Variants in EFCAB11 observed in about 807,000 individuals in gnomAD.
EFCAB11 encodes the protein EF-hand calcium binding domain 11.
EFCAB11 carries 14 observed loss-of-function variants against 23.0 expected under a neutral mutation model. The observed-to-expected ratio is 0.61, with a 90% CI of 0.40 to 0.95. The LOEUF is 0.95. Ranked by LOEUF, EFCAB11 falls within the 40% of genes least tolerant of loss-of-function variation. The pLI, the probability that EFCAB11 is intolerant of heterozygous loss-of-function variation, is 0.00. For missense variants in EFCAB11, 198 were observed against 195.8 expected (o/e 1.01, Z -0.07); for synonymous variants, 65 against 66.6 (o/e 0.98, Z 0.11).
intron 5 of EFCAB11, among the ~76,000 whole-genome samples, chr14:89,822,557 A>G (rs995157571): frequency 1.3e-5 from 2 of 152,224 alleles, no homozygotes; most frequent in Non-Finnish European, 2.9e-5. Context: ...GGCAGAGTAC[A>G]AGAGAAGGAG....
rs1483257955 is a variant in EFCAB11 at position 89,802,209 on chromosome 14, A to C, written c.411-4885T>G. 1.1e-3 allele frequency among the ~76,000 whole-genome samples: 3 copies of C among 2,638 alleles called. No homozygotes were observed. The African/African-American group carries it at 0.036, about 31-fold the overall frequency. 1.7% of individuals were successfully genotyped at this position (2,638 alleles called of 152,430 possible). On this transcript the variant is annotated intron_variant, in intron 5 of 5. Transcript: ENST00000316738. ...TACTTGCTTTTACCCAAGTTACTTA[A>C]AAAAAAAAAAAAAAAGAAAGAAAAA...
intron 5 of EFCAB11, among the ~76,000 whole-genome samples, chr14:89,927,817 G>T (rs1477952642): frequency 6.6e-6 from 1 of 152,064 alleles, no homozygotes; most frequent in Non-Finnish European, 1.5e-5. Flanking sequence ...GACCTCCCGG[G>T]TTCAAGCGAT....
intron 5 of EFCAB11, among the ~76,000 whole-genome samples, chr14:89,852,784 T>C (rs1596402153): frequency 6.6e-6 from 1 of 152,160 alleles, no homozygotes; most frequent in African/African-American, 2.4e-5. Context: ...TAATATAACA[T>C]TTACCACCTT....
chr14:89,819,913 T>C (rs1298634914), intron 5 of EFCAB11, among the ~76,000 whole-genome samples: 1 of 152,244 alleles, frequency 6.6e-6, no homozygotes, highest in East Asian at 1.9e-4. Flanking sequence ...AAATCATTTA[T>C]ACCATTATCT....
At position 89,794,843 on chromosome 14, in the gene EFCAB11, C is replaced by T. The variant is rs1885521023; in HGVS notation, c.*2400G>A. 1 of 151,956 alleles carries T rather than the reference C, an allele frequency of 6.6e-6. No individual in the cohort carries two copies. The highest frequency in any genetic ancestry group is 6.6e-5 in the Admixed American group (1 of 15,248). 9.4% of individuals were successfully genotyped at this position (151,956 alleles called of 1,614,324 possible). A position where few individuals can be genotyped will look rare whatever the true frequency, so the allele number is the denominator to read the frequency against. The stretch of plus-strand genomic sequence containing the variant: ...GAAAATAGTAGAGGGTTCCCATATA[C>T]CTCACCCAGTTTCCCCTACTATTAA... On this transcript the variant is annotated 3_prime_UTR_variant, in exon 6 of 6. Transcript: ENST00000316738.
chr14:89,931,403 A>C (rs1890384364), intron 5 of EFCAB11, 138 bp downstream of exon 5: 2 of 779,884 alleles, frequency 2.6e-6, no homozygotes, highest in East Asian at 5.1e-5. Flanking sequence ...TCCCTCCTGG[A>C]CCATGACACT....
intron 5 of EFCAB11, among the ~76,000 whole-genome samples, chr14:89,885,612 G>A (rs1241617282): frequency 6.6e-6 from 1 of 151,784 alleles, no homozygotes; most frequent in African/African-American, 2.4e-5. Flanking sequence ...GGGAGGTGGA[G>A]GTTGCAGTGA....
At chr14:89,952,339 T>C (rs1281198549) in intron 2 of EFCAB11, 4 of 944,250 alleles carry the variant, frequency 4.2e-6, no homozygotes, top group Non-Finnish European at 5.0e-6. Context: ...ATTCTAAAAT[T>C]GAAACCAAAT....
intron 5 of EFCAB11, among the ~76,000 whole-genome samples, chr14:89,855,031 C>G (rs757781244): frequency 2.0e-5 from 3 of 152,014 alleles, no homozygotes; most frequent in African/African-American, 7.2e-5. Context: ...GGTCAGAATC[C>G]CTGGAAAAAT....
chr14:89,809,488 A>C (rs1886080511), intron 5 of EFCAB11, among the ~76,000 whole-genome samples: 1 of 152,230 alleles, frequency 6.6e-6, no homozygotes, highest in African/African-American at 2.4e-5. Flanking sequence ...GCCACTAAAA[A>C]AGATCACGCT....
intron 5 of EFCAB11, among the ~76,000 whole-genome samples, chr14:89,857,529 C>A (rs1207256516): frequency 6.6e-6 from 1 of 150,752 alleles, no homozygotes; most frequent in African/African-American, 2.4e-5. Flanking sequence ...TCTGAAAGTT[C>A]CTATAAAAAA....
At chr14:89,837,098 T>C in intron 5 of EFCAB11, 1 of 456,790 alleles carries the variant, frequency 2.2e-6, no homozygotes, top group South Asian at 1.5e-5. Flanking sequence ...GTTTTTAGAC[T>C]TCTGGTCAAT....
chr14:89,797,153 G>T lies in EFCAB11; in HGVS notation c.*90C>A. The T allele has an allele frequency of 3.2e-6, 4 of 1,267,684 alleles. No homozygotes were observed. Among genetic ancestry groups the T allele is most frequent in the Non-Finnish European group, 4.4e-6 (4 of 899,670 alleles). The allele number at this position is 1,267,684 out of a possible 1,614,324, so 78.5% of individuals were successfully genotyped here. A position where few individuals can be genotyped will look rare whatever the true frequency, so the allele number is the denominator to read the frequency against. On this transcript the variant is annotated 3_prime_UTR_variant, in exon 6 of 6. Transcript: ENST00000316738. ...AAAATTTTTAAATGTTTAATCACAA[G>T]TCTGTAGCATGACATCATTAGTAGA... is the stretch of plus-strand genomic sequence containing the variant.
At chr14:89,953,880 T>C (rs1003042702) in intron 2 of EFCAB11, 26 bp downstream of exon 2, 12 of 1,592,412 alleles carry the variant, frequency 7.5e-6, no homozygotes, top group African/African-American at 2.7e-5. Flanking sequence ...GTCTACCCCA[T>C]CCCCAAATAT....
intron 5 of EFCAB11, among the ~76,000 whole-genome samples, chr14:89,866,792 TTTTA>T (rs1214502627): frequency 6.6e-6 from 1 of 151,848 alleles, no homozygotes; most frequent in East Asian, 1.9e-4. Flanking sequence ...TTTAAAAATG[TTTTA>T]TTTATCTTTT....
chr14:89,850,643 T>C (rs937463188), intron 5 of EFCAB11, among the ~76,000 whole-genome samples: 8 of 152,240 alleles, frequency 5.3e-5, no homozygotes, highest in Non-Finnish European at 8.8e-5. Flanking sequence ...CCCTTGCTTT[T>C]GTATGTGTAA....
chr14:89,892,128 T>A (rs1485671893), intron 5 of EFCAB11: 9 of 1,554,144 alleles, frequency 5.8e-6, no homozygotes, highest in Non-Finnish European at 7.0e-6. Context: ...CAGGAGGTCA[T>A]GGCCACTCAG....
At chr14:89,854,939 T>C (rs1435750408) in intron 5 of EFCAB11, among the ~76,000 whole-genome samples, 2 of 152,176 alleles carry the variant, frequency 1.3e-5, no homozygotes, top group African/African-American at 4.8e-5. Flanking sequence ...AGTAGCTTGG[T>C]CGGGGGTTTG....
chr14:89,909,875 G>A (rs1418153301), intron 5 of EFCAB11, among the ~76,000 whole-genome samples: 6 of 152,186 alleles, frequency 3.9e-5, no homozygotes, highest in Admixed American at 3.9e-4. Flanking sequence ...CCTGGCTAAG[G>A]CGAAGTCAGG....
Sources: gnomAD v4.1 joint callset for allele counts (sites outside exome capture counted in the v4.1 genomes callset) on GRCh38, gnomAD v4.1.1 for gene constraint, MANE v1.5 for transcripts, NCBI Gene and HGNC (gene_info 2026-07-23, HGNC 2026-07-21) for gene names.